The following UTRN variants were observed in gnomAD, a reference collection of about 807,000 sequenced individuals.
UTRN encodes the protein utrophin, also known as dystrophin-related protein 1.
A neutral mutation model predicts 463.9 loss-of-function variants in UTRN; 283 were observed. The ratio of observed to expected loss-of-function variants is 0.61; its 90% CI spans 0.55 to 0.67. The LOEUF is 0.67. Among genes scored for constraint, UTRN ranks in the 30% least tolerant of loss-of-function variants. The pLI, the probability that UTRN is intolerant of heterozygous loss-of-function variation, is 0.00. For synonymous variants in UTRN, 1,442 were observed against 1,431.5 expected, an observed-to-expected ratio of 1.01 and a Z score of -0.17; for missense variants, 3,922 against 4,084.3, an observed-to-expected ratio of 0.96 and a Z score of 1.08.
At chr6:144,532,270 C>T (rs926998384) in intron 42 of UTRN, among the ~76,000 whole-genome samples, 8 of 152,132 alleles carry the variant, frequency 5.3e-5, no homozygotes, top group African/African-American at 1.7e-4. Context: ...GTGTATTAGT[C>T]TGTTCTCATG....
At chr6:144,332,308 T>C (rs1776392754) in intron 2 of UTRN, among the ~76,000 whole-genome samples, 1 of 152,254 alleles carries the variant, frequency 6.6e-6, no homozygotes, top group African/African-American at 2.4e-5. Context: ...ATTGTGTCCA[T>C]AGTGCCTTGT....
chr6:144,679,939 CT>C (rs759395668), intron 52 of UTRN, among the ~76,000 whole-genome samples: 2 of 152,078 alleles, frequency 1.3e-5, no homozygotes, highest in South Asian at 4.1e-4. Flanking sequence ...CATTGGCCAA[CT>C]ACTTTTTCTT....
chr6:144,581,716 G>A (rs1398567361), intron 51 of UTRN, among the ~76,000 whole-genome samples: 3 of 152,128 alleles, frequency 2.0e-5, no homozygotes, highest in Admixed American at 1.3e-4. Flanking sequence ...ATACTGTACA[G>A]TTCATTCATT....
chr6:144,479,319 A>G (rs552636471), intron 25 of UTRN, among the ~76,000 whole-genome samples: 9 of 152,102 alleles, frequency 5.9e-5, no homozygotes, highest in African/African-American at 2.2e-4. Flanking sequence ...GGGTTTTGCC[A>G]TGTTGGCCAT....
At chr6:144,846,893 C>A in intron 74 of UTRN, 66 bp downstream of exon 74, 1 of 1,585,330 alleles carries the variant, frequency 6.3e-7, no homozygotes, top group Non-Finnish European at 8.7e-7. Context: ...AGATTATCCA[C>A]GACTGATTTT....
At position 144,488,763 on chromosome 6, in the gene UTRN, G is replaced by C. The variant is rs199763562; in HGVS notation, c.4063G>C (p.Glu1355Gln). Residue 1355 changes from glutamate (E) to glutamine (Q), a missense_variant, in exon 30 of 75, where the codon GAG (glutamate) becomes CAG (glutamine). Glu to Gln is a conservative substitution (Grantham distance 29). Coordinates refer to ENST00000367545, the MANE Select transcript of UTRN (RefSeq NM_007124.3). ...TCAAGTCTTGCAAGAGAGCTTGGGG[G>C]AGCTGGACAAACAGCTCACCACATA... The part of the protein sequence containing the change: ...MLQVLQESLG[E>Q]LDKQLTTYLT... The C allele has an allele frequency of 9.3e-6, 15 of 1,612,962 alleles. No individual in the cohort carries two copies. The highest frequency in any genetic ancestry group is 1.3e-5 in the Non-Finnish European group (15 of 1,179,318).
At position 144,444,079 on chromosome 6, in the gene UTRN, T is replaced by TA. The variant is rs1444655282; in HGVS notation, c.1513-202_1513-201insA. Reference sequence around the variant, plus strand: ...TTAGTTTCTAGCTATGTGAAATCATTTGTTCAATTCTATGGAAATTAGTTT... The same window carrying TA: ...TTAGTTTCTAGCTATGTGAAATCATTATGTTCAATTCTATGGAAATTAGTTT... On this transcript the variant is annotated intron_variant, in intron 13 of 74. Transcript: ENST00000367545. Among the ~76,000 whole-genome samples the TA allele has an allele frequency of 2.0e-5, 3 of 152,202 alleles. No individual in the cohort carries two copies. The East Asian group carries it at 5.8e-4, about 29-fold the overall frequency.
chr6:144,580,391 A>T (rs1801859132), intron 51 of UTRN, among the ~76,000 whole-genome samples: 4 of 152,216 alleles, frequency 2.6e-5, no homozygotes. Flanking sequence ...ATCCAAGGCC[A>T]TGGGAGTATT....
At chr6:144,301,519 C>T (rs943956670) in intron 2 of UTRN, among the ~76,000 whole-genome samples, 2 of 146,556 alleles carry the variant, frequency 1.4e-5, no homozygotes, top group African/African-American at 5.2e-5. Context: ...CTCATGCCAT[C>T]CTATCTTTCT....
At chr6:144,401,186 TTC>T (rs1170404917) in intron 2 of UTRN, among the ~76,000 whole-genome samples, 2 of 147,508 alleles carry the variant, frequency 1.4e-5, no homozygotes, top group African/African-American at 5.4e-5. Flanking sequence ...TTTATGACCT[TTC>T]TATATTTTTT....
At position 144,291,927 on chromosome 6, in the gene UTRN, G is replaced by A. The variant is rs997782579; in HGVS notation, c.79+20G>A. 1.9e-6 allele frequency: 3 copies of A among 1,596,974 alleles called. No individual in the cohort carries two copies. The highest frequency in any genetic ancestry group is 2.6e-6 in the Non-Finnish European group (3 of 1,172,696). On this transcript the variant is annotated intron_variant, in intron 2 of 74. Transcript: ENST00000367545. Reference sequence around the variant, plus strand: ...GATCTGGTAGGTAAAGGAAGCTCAAGAAAGCTATGGATTTTTATGTATTTA... The same window carrying A: ...GATCTGGTAGGTAAAGGAAGCTCAAAAAAGCTATGGATTTTTATGTATTTA...
At chr6:144,620,849 G>C (rs1194048796) in intron 51 of UTRN, among the ~76,000 whole-genome samples, 3 of 152,186 alleles carry the variant, frequency 2.0e-5, no homozygotes, top group Admixed American at 6.5e-5. Flanking sequence ...GAAAAGAAGA[G>C]ACATGGTAAG....
At chr6:144,590,069 C>T (rs1013256638) in intron 51 of UTRN, among the ~76,000 whole-genome samples, 1 of 151,856 alleles carries the variant, frequency 6.6e-6, no homozygotes, top group Non-Finnish European at 1.5e-5. Context: ...CTATGTTGCG[C>T]CGGCTGGTCT....
In UTRN at chr6:144,554,821, A is replaced by G. The variant is rs1799236104; in HGVS notation, c.7062A>G (p.Lys2354=). The change falls in exon 49 of 75, where the codon AAA becomes AAG. Residue 2354 remains lysine (K), a synonymous_variant. Transcript: ENST00000367545. The part of the protein sequence containing the change: ...HREETEELMR[K]YEARLYILQQ... ...AGGAGACTGAAGAACTGATGAGAAA[A>G]TATGAGGCTCGACTCTATATTCTTC... 1.9e-6 allele frequency: 3 copies of G among 1,614,078 alleles called. No individual in the cohort carries two copies. The highest frequency in any genetic ancestry group is 2.2e-5 in the South Asian group (2 of 91,084).
At chr6:144,570,925 G>C (rs1487003042) in intron 50 of UTRN, among the ~76,000 whole-genome samples, 1 of 152,108 alleles carries the variant, frequency 6.6e-6, no homozygotes, top group Non-Finnish European at 1.5e-5. Context: ...CTTTTCCCTA[G>C]TTTGGACATT....
intron 2 of UTRN, among the ~76,000 whole-genome samples, chr6:144,325,782 A>G (rs1004621622): frequency 1.3e-5 from 2 of 152,214 alleles, no homozygotes; most frequent in African/African-American, 4.8e-5. Context: ...TAACACAAAC[A>G]AAAGGAAGGA....
intron 2 of UTRN, among the ~76,000 whole-genome samples, chr6:144,389,279 G>A (rs1050071622): frequency 4.6e-5 from 7 of 152,204 alleles, no homozygotes; most frequent in African/African-American, 9.6e-5. Context: ...TTATCTCAGC[G>A]AGCAGAGGGG....
chr6:144,561,242 TATATATATATATATATATAC>T lies in UTRN; in HGVS notation c.7289+3935_7289+3954del, dbSNP rs1287509244. On this transcript the variant is annotated intron_variant, in intron 50 of 74. Transcript: ENST00000367545. ...ATATATATATATATATATATATATA[TATATATATATATATATATAC>T]ATACACACACACACGTATACACACC... Among the ~76,000 whole-genome samples, 134 of 78,966 alleles carry T rather than the reference TATATATATATATATATATAC, an allele frequency of 1.7e-3. 4 individuals carry two copies. The highest frequency in any genetic ancestry group is 7.8e-3 in the Middle Eastern group (1 of 128). The allele number at this position is 78,966 out of a possible 152,430, so 51.8% of individuals were successfully genotyped here.
intron 65 of UTRN, among the ~76,000 whole-genome samples, chr6:144,805,552 A>T (rs1778076310): frequency 6.6e-6 from 1 of 152,196 alleles, no homozygotes; most frequent in Non-Finnish European, 1.5e-5. Context: ...TGGGCTGCAG[A>T]AAGTGAAGCC....
Sources: allele counts gnomAD v4.1 joint callset (sites outside exome capture counted in the v4.1 genomes callset), GRCh38; gene constraint gnomAD v4.1.1; transcripts MANE v1.5; gene names NCBI Gene and HGNC (gene_info 2026-07-23, HGNC 2026-07-21).